The following ANK2 variants were observed in gnomAD, a reference collection of about 807,000 sequenced individuals.
The protein encoded by ANK2 is ankyrin-2.
ANK2 carries 83 observed loss-of-function variants against 360.5 expected under a neutral mutation model. That is an observed-to-expected ratio of 0.23 (90% CI 0.19 to 0.28). The LOEUF (loss-of-function observed/expected upper bound fraction) is 0.28, where lower values mean the gene tolerates loss of function less well. ANK2 is among the 10% of genes least tolerant of loss of function. ANK2 has a pLI of 1.00. For synonymous variants in ANK2, 1,740 were observed against 1,759.5 expected (o/e 0.99, Z 0.28); for missense variants, 4,201 against 4,795.7 (o/e 0.88, Z 3.66).
At position 112,969,345 on chromosome 4, in the gene ANK2, T is replaced by C. The variant is rs79527614; in HGVS notation, c.21+64831T>C. ...GAGTCTGCCATTTGCTGACTACCTA[T>C]CTACAGGCATTCATGTAGGTTGGCC... On this transcript the variant is annotated intron_variant, in intron 2 of 30. Transcript: ENST00000503271. Among the ~76,000 whole-genome samples, 757 of 152,336 alleles carry C rather than the reference T, an allele frequency of 5.0e-3. 8 individuals are homozygous for C. The highest frequency in any genetic ancestry group is 0.017 in the African/African-American group (724 of 41,576).
chr4:112,778,522 A>T, the ANK2 span, among the ~76,000 whole-genome samples: 1 of 152,194 alleles, frequency 6.6e-6, no homozygotes, highest in Non-Finnish European at 1.5e-5. Flanking sequence ...TCTGTGGAGG[A>T]TACAATGAAA....
the ANK2 span, among the ~76,000 whole-genome samples, chr4:112,804,639 C>T: frequency 6.6e-6 from 1 of 152,048 alleles, no homozygotes; most frequent in Non-Finnish European, 1.5e-5. Context: ...GGGAGGATTG[C>T]TTGAAGCCAA....
At chr4:113,367,442 G>A in intron 41 of ANK2, 124 bp from the exon 42 acceptor site, 2 of 871,660 alleles carry the variant, frequency 2.3e-6, no homozygotes, top group East Asian at 5.3e-5. Flanking sequence ...TAATCCATGG[G>A]CCCATCTCAG....
chr4:113,223,847 A>G (rs902236909), intron 4 of ANK2, among the ~76,000 whole-genome samples: 14 of 152,188 alleles, frequency 9.2e-5, no homozygotes, highest in African/African-American at 3.4e-4. Flanking sequence ...AGTTTCTCAT[A>G]AGGTTGTAGT....
intron 24 of ANK2, among the ~76,000 whole-genome samples, chr4:113,315,869 C>G (rs1251964860): frequency 7.1e-6 from 1 of 140,848 alleles, no homozygotes; most frequent in African/African-American, 2.8e-5. Flanking sequence ...TGCACTCCAG[C>G]CTGGGTGACA....
chr4:113,064,561 T>C (rs1278888467), intron 1 of ANK2, among the ~76,000 whole-genome samples: 5 of 152,186 alleles, frequency 3.3e-5, no homozygotes, highest in Admixed American at 1.3e-4. Flanking sequence ...CACCTCACTC[T>C]AGGAGCTCAA....
rs187421029 is a variant in ANK2, at chr4:113,152,572, T to A, written c.85-21844T>A. On this transcript the variant is annotated intron_variant, in intron 1 of 45. Coordinates refer to ENST00000357077, the MANE Select transcript of ANK2 (RefSeq NM_001148.6). ...TTTTTCAAAGCTGACCTTCATATCATATTTGTGTGGGCTTATGTGACTATA... is the reference window on the plus strand; with the variant it reads ...TTTTTCAAAGCTGACCTTCATATCAAATTTGTGTGGGCTTATGTGACTATA... Among the ~76,000 whole-genome samples the A allele has an allele frequency of 3.3e-5, 5 of 152,292 alleles. No individual in the cohort carries two copies. In the South Asian group the frequency reaches 1.0e-3, roughly 32 times the overall value.
chr4:112,877,969 A>G (rs1056901644), intron 1 of ANK2, among the ~76,000 whole-genome samples: 1 of 152,230 alleles, frequency 6.6e-6, no homozygotes, highest in African/African-American at 2.4e-5. Context: ...TGTTGAATGA[A>G]TGAATGACCA....
At chr4:112,891,183 T>C (rs1393330016) in intron 1 of ANK2, among the ~76,000 whole-genome samples, 1 of 152,200 alleles carries the variant, frequency 6.6e-6, no homozygotes, top group Non-Finnish European at 1.5e-5. Flanking sequence ...GCCACGTAAC[T>C]AGCAGTAGCA....
chr4:113,213,736 G>A (rs60150779), intron 4 of ANK2, among the ~76,000 whole-genome samples: 20,902 of 151,948 alleles, frequency 0.14, 1,557 homozygotes, highest in East Asian at 0.22. Flanking sequence ...GTTAATAATT[G>A]TTGAAAAGCA....
At chr4:112,906,867 AATTT>A (rs1361340167) in intron 2 of ANK2, among the ~76,000 whole-genome samples, 1 of 152,100 alleles carries the variant, frequency 6.6e-6, no homozygotes, top group Non-Finnish European at 1.5e-5. Context: ...AAACTCCTTA[AATTT>A]ATAAGTGTAT....
chr4:112,897,839 A>G (rs1360787203), intron 1 of ANK2, among the ~76,000 whole-genome samples: 1 of 152,204 alleles, frequency 6.6e-6, no homozygotes, highest in African/African-American at 2.4e-5. Flanking sequence ...CATTATTTCC[A>G]AGAATAATAA....
At chr4:113,104,438 G>A (rs1331106313) in intron 1 of ANK2, among the ~76,000 whole-genome samples, 5 of 152,214 alleles carry the variant, frequency 3.3e-5, no homozygotes, top group African/African-American at 9.6e-5. Flanking sequence ...GGAGGGCTGG[G>A]CACAGTGGCT....
In ANK2 at chr4:112,888,836, CT is replaced by C. The variant is rs1368339183; in HGVS notation, c.-39-15617del. 3.2e-3 allele frequency among the ~76,000 whole-genome samples: 484 copies of C among 152,288 alleles called. 8 individuals are homozygous for C. Among genetic ancestry groups the C allele is most frequent in the East Asian group, 7.7e-4 (4 of 5,186 alleles). ...ACAGGGAAAGCAGTTGTCAGCTGTC[CT>C]TGTTGTGGTACCAACATGTATCATG... On this transcript the variant is annotated intron_variant, in intron 1 of 30. Coordinates refer to the ANK2 transcript ENST00000503271.
At chr4:113,306,937 A>G (rs2077491291) in intron 23 of ANK2, among the ~76,000 whole-genome samples, 1 of 152,228 alleles carries the variant, frequency 6.6e-6, no homozygotes, top group African/African-American at 2.4e-5. Flanking sequence ...TCCAGATTTA[A>G]CCAAAGATGT....
At chr4:113,364,646 G>C (rs1422334739) in intron 40 of ANK2, among the ~76,000 whole-genome samples, 4 of 152,088 alleles carry the variant, frequency 2.6e-5, no homozygotes, top group Admixed American at 2.6e-4. Flanking sequence ...CTTCTAAGTA[G>C]AATTGTCAGA....
chr4:113,032,912 A>G (rs1019358493), intron 2 of ANK2, among the ~76,000 whole-genome samples: 1 of 152,012 alleles, frequency 6.6e-6, no homozygotes, highest in Non-Finnish European at 1.5e-5. Context: ...GAGTTTTTCT[A>G]GAGAAATCCG....
At chr4:113,291,738 A>C (rs563077282) in intron 20 of ANK2, among the ~76,000 whole-genome samples, 50 of 152,168 alleles carry the variant, frequency 3.3e-4, no homozygotes, top group Non-Finnish European at 6.3e-4. Context: ...GATTTTAATA[A>C]ATAATAGCCA....
upstream of ANK2, among the ~76,000 whole-genome samples, chr4:113,048,221 T>C (rs1425715674): frequency 7.5e-6 from 1 of 134,066 alleles, no homozygotes; most frequent in Non-Finnish European, 1.5e-5. Flanking sequence ...ACAAAGTATA[T>C]TAGGTTCTGG....
Sources: gnomAD v4.1 joint callset for allele counts (sites outside exome capture counted in the v4.1 genomes callset) on GRCh38, gnomAD v4.1.1 for gene constraint, MANE v1.5 for transcripts, NCBI Gene and HGNC (gene_info 2026-07-23, HGNC 2026-07-21) for gene names.